The following OR3A2 variants were observed in gnomAD, a reference collection of about 807,000 sequenced individuals.
OR3A2 encodes olfactory receptor family 3 subfamily A member 2.
For missense variants in OR3A2, 318 were observed against 392.8 expected (o/e 0.81, Z 1.61); for synonymous variants, 126 against 159.3 (o/e 0.79, Z 1.57).
chr17:3,371,645 G>A (rs1483433045), intron 2 of OR3A2, among the ~76,000 whole-genome samples: 36 of 138,980 alleles, frequency 2.6e-4, no homozygotes, highest in Admixed American at 1.2e-3. Flanking sequence ...AGGGGAGGCC[G>A]GGCAGAGGCG....
chr17:3,278,151 C>T, exon 2 of OR3A2: 3 of 1,614,266 alleles, frequency 1.9e-6, no homozygotes, highest in Non-Finnish European at 2.5e-6. Context: ...GATACCTCTT[C>T]CAAAGAAAAG....
At chr17:3,377,550 C>G (rs969625092) in intron 2 of OR3A2, 10 of 152,076 alleles carry the variant, frequency 6.6e-5, no homozygotes, top group African/African-American at 2.4e-4. Flanking sequence ...GCGTTTGTTC[C>G]TCGGGCTTTA....
At chr17:3,323,319 AGTCT>A (rs1555527187) in intron 3 of OR3A2, among the ~76,000 whole-genome samples, 1 of 152,010 alleles carries the variant, frequency 6.6e-6, no homozygotes, top group Non-Finnish European at 1.5e-5. Context: ...CCAATTTGCC[AGTCT>A]GTGTCTTTTA....
intron 2 of OR3A2, among the ~76,000 whole-genome samples, chr17:3,363,226 A>G (rs960606268): frequency 6.6e-6 from 1 of 151,640 alleles, no homozygotes; most frequent in Non-Finnish European, 1.5e-5. Flanking sequence ...AATTTTTCAA[A>G]CTTTTATGCT....
chr17:3,347,940 A>C (rs1389396043), intron 2 of OR3A2, among the ~76,000 whole-genome samples: 1 of 152,174 alleles, frequency 6.6e-6, no homozygotes, highest in Non-Finnish European at 1.5e-5. Flanking sequence ...TGCCATTCTA[A>C]CTGGTGTGAA....
At chr17:3,345,566 C>T (rs1198397211) in intron 2 of OR3A2, among the ~76,000 whole-genome samples, 1 of 151,888 alleles carries the variant, frequency 6.6e-6, no homozygotes. Flanking sequence ...GAAACAATAT[C>T]ACAAAAACAG....
At chr17:3,340,176 G>C (rs1284366749) in intron 2 of OR3A2, among the ~76,000 whole-genome samples, 2 of 151,766 alleles carry the variant, frequency 1.3e-5, no homozygotes, top group African/African-American at 2.4e-5. Context: ...TATTAGTCTT[G>C]CTAGCGGTCT....
chr17:3,278,929 A>T lies in OR3A2; in HGVS notation c.-6-6T>A. On this transcript the variant is annotated splice_region_variant and splice_polypyrimidine_tract_variant and intron_variant, in intron 1 of 1. Coordinates refer to ENST00000642052, the Ensembl canonical transcript of OR3A2. ...GCTTCTGGCTCCATGAGTTTCTGTA[A>T]GGACATGTCCCAGCAGGGGAGGTAT... The T allele has an allele frequency of 6.5e-7, 1 of 1,537,318 alleles. No homozygotes were observed. Among genetic ancestry groups the T allele is most frequent in the Non-Finnish European group, 8.7e-7 (1 of 1,146,704 alleles).
At position 3,347,733 on chromosome 17, in the gene OR3A2, G is replaced by C. The variant is rs142140753; in HGVS notation, c.-178-11607C>G. 2.9e-3 allele frequency among the ~76,000 whole-genome samples: 435 copies of C among 152,318 alleles called. 2 individuals are homozygous for C. Among genetic ancestry groups the C allele is most frequent in the African/African-American group, 8.7e-3 (360 of 41,562 alleles). On this transcript the variant is annotated intron_variant, in intron 2 of 4. Transcript: ENST00000573491. ...TGTGCATGTGTCTTTATAGAAGCAT[G>C]ATTTATAGTCCTTTGGGTATATACC... is the stretch of plus-strand genomic sequence containing the variant.
At chr17:3,320,948 G>C (rs2049117033) in intron 3 of OR3A2, among the ~76,000 whole-genome samples, 1 of 151,988 alleles carries the variant, frequency 6.6e-6, no homozygotes, top group Non-Finnish European at 1.5e-5. Context: ...GGATGGCATT[G>C]AATCTATAAA....
At chr17:3,285,780 T>A (rs921667944), upstream of OR3A2, among the ~76,000 whole-genome samples, 1 of 151,990 alleles carries the variant, frequency 6.6e-6, no homozygotes, top group Non-Finnish European at 1.5e-5. Context: ...AGAGTGAGAA[T>A]CCCTCCCAAA....
At chr17:3,336,995 C>G (rs1567559663) in intron 2 of OR3A2, among the ~76,000 whole-genome samples, 1 of 152,170 alleles carries the variant, frequency 6.6e-6, no homozygotes, top group African/African-American at 2.4e-5. Flanking sequence ...AAGATTCACC[C>G]TAGGTGAGCT....
At chr17:3,373,156 G>A (rs1028566288) in intron 2 of OR3A2, among the ~76,000 whole-genome samples, 5 of 152,132 alleles carry the variant, frequency 3.3e-5, no homozygotes, top group Admixed American at 3.3e-4. Flanking sequence ...TGGTCTAAGA[G>A]AGTACTTGAT....
upstream of OR3A2, among the ~76,000 whole-genome samples, chr17:3,289,192 G>C (rs988412274): frequency 3.2e-4 from 48 of 152,226 alleles, no homozygotes; most frequent in Non-Finnish European, 4.6e-4. Flanking sequence ...TTACTGTGCG[G>C]ATGGTGCGGA....
chr17:3,346,370 G>A (rs1053771897), intron 2 of OR3A2, among the ~76,000 whole-genome samples: 2 of 152,120 alleles, frequency 1.3e-5, no homozygotes, highest in Admixed American at 1.3e-4. Flanking sequence ...GACCCAAGTT[G>A]ATCCAACCAG....
At chr17:3,361,897 C>T (rs1267420349) in intron 2 of OR3A2, among the ~76,000 whole-genome samples, 1 of 151,330 alleles carries the variant, frequency 6.6e-6, no homozygotes, top group African/African-American at 2.5e-5. Flanking sequence ...TGTGTCTCTG[C>T]CCGGCTTTGG....
chr17:3,326,192 G>C (rs1414353362), intron 3 of OR3A2, among the ~76,000 whole-genome samples: 1 of 152,010 alleles, frequency 6.6e-6, no homozygotes. Context: ...GTCTATCATT[G>C]ATGGGCATCT....
At chr17:3,350,430 T>C (rs2049410306) in intron 2 of OR3A2, among the ~76,000 whole-genome samples, 1 of 150,604 alleles carries the variant, frequency 6.6e-6, no homozygotes, top group Admixed American at 6.6e-5. Context: ...CTAGAAAATC[T>C]AGAAGAAATG....
At chr17:3,299,237 A>G (rs1460660143) in intron 3 of OR3A2, among the ~76,000 whole-genome samples, 1 of 152,176 alleles carries the variant, frequency 6.6e-6, no homozygotes, top group Non-Finnish European at 1.5e-5. Flanking sequence ...AAGAGTTCTG[A>G]GCAGAGAGAG....
Sources: allele counts gnomAD v4.1 joint callset (sites outside exome capture counted in the v4.1 genomes callset), GRCh38; gene constraint gnomAD v4.1.1; transcripts MANE v1.5; gene names NCBI Gene and HGNC (gene_info 2026-07-23, HGNC 2026-07-21).